The following RNF24 variants were observed in gnomAD, a reference collection of about 807,000 sequenced individuals.
RNF24 encodes the protein ring finger protein 24.
Under a neutral mutation model 20.0 loss-of-function variants are expected in RNF24, and 14 were observed. The observed-to-expected ratio is 0.70, with a 90% CI of 0.46 to 1.10. The LOEUF (loss-of-function observed/expected upper bound fraction) is 1.10. Ranked by LOEUF, RNF24 falls within the 50% of genes least tolerant of loss-of-function variation. RNF24 has a pLI of 0.00. For synonymous variants in RNF24, 45 were observed against 61.1 expected, an observed-to-expected ratio of 0.74 and a Z score of 1.23; for missense variants, 124 against 177.6, an observed-to-expected ratio of 0.70 and a Z score of 1.71.
chr20:3,976,638 A>G (rs1392058757), intron 1 of RNF24, among the ~76,000 whole-genome samples: 3 of 152,242 alleles, frequency 2.0e-5, no homozygotes, highest in Non-Finnish European at 4.4e-5. Flanking sequence ...ATATCATTCA[A>G]TGGGTGAACG....
intron 1 of RNF24, among the ~76,000 whole-genome samples, chr20:3,968,376 A>C (rs1397579747): frequency 6.6e-6 from 1 of 152,162 alleles, no homozygotes; most frequent in Non-Finnish European, 1.5e-5. Flanking sequence ...TGGGAGGCTG[A>C]GGTGGGAGGA....
At chr20:3,958,554 T>C (rs1600655444) in intron 2 of RNF24, among the ~76,000 whole-genome samples, 1 of 152,344 alleles carries the variant, frequency 6.6e-6, no homozygotes. Context: ...AACTTTTCAA[T>C]TGTTATCCTC....
At chr20:3,992,026 C>T (rs954978188) in intron 1 of RNF24, among the ~76,000 whole-genome samples, 3 of 152,056 alleles carry the variant, frequency 2.0e-5, no homozygotes, top group Non-Finnish European at 4.4e-5. Flanking sequence ...ACTCCTTGAG[C>T]GCAGAATTAC....
At position 3,963,987 on chromosome 20, in the gene RNF24, T is replaced by A. The variant is rs1212861587; in HGVS notation, c.31A>T (p.Arg11Trp). 6.2e-7 allele frequency: 1 copy of A among 1,613,382 alleles called. No homozygotes were observed. The highest frequency in any genetic ancestry group is 8.5e-7 in the Non-Finnish European group (1 of 1,179,700). ...TTCTGGAATCCAATATTAGGCATCC[T>A]GAAGTTGTAATGTGGGAAATCCGAG... MSSDFPHYNF[R>W]MPNIGFQNLP... is the part of the protein sequence containing the mutation. Residue 11 changes from arginine (R) to tryptophan (W), a missense_variant, in exon 2 of 6, where the codon AGG becomes TGG. By Grantham distance (101) the Arg-to-Trp change is moderately radical (BLOSUM62 -3). Coordinates refer to ENST00000358395, the MANE Select transcript of RNF24 (RefSeq NM_001134337.3).
chr20:3,978,975 G>A (rs188483836), intron 1 of RNF24, among the ~76,000 whole-genome samples: 1,541 of 151,500 alleles, frequency 0.01, 17 homozygotes, highest in African/African-American at 0.035. Flanking sequence ...GCGCGGTGGC[G>A]TGCGCCTGTA....
At chr20:4,006,479 G>A (rs1377391437) in intron 1 of RNF24, among the ~76,000 whole-genome samples, 1 of 152,034 alleles carries the variant, frequency 6.6e-6, no homozygotes, top group Non-Finnish European at 1.5e-5. Flanking sequence ...AAAAGGAACG[G>A]GCAAACCTCA....
intron 1 of RNF24, among the ~76,000 whole-genome samples, chr20:3,995,401 T>C (rs904051443): frequency 1.3e-5 from 2 of 152,306 alleles, no homozygotes; most frequent in Middle Eastern, 6.8e-3. Flanking sequence ...GGGTACAGAA[T>C]ACTGAGAAAC....
intron 2 of RNF24, among the ~76,000 whole-genome samples, chr20:3,949,716 T>C (rs1326108640): frequency 6.6e-6 from 1 of 152,168 alleles, no homozygotes; most frequent in East Asian, 1.9e-4. Flanking sequence ...ACAATTTTAC[T>C]TCTATGGGTA....
chr20:3,946,802 G>A (rs913006237), intron 3 of RNF24, among the ~76,000 whole-genome samples: 4 of 152,016 alleles, frequency 2.6e-5, no homozygotes, highest in African/African-American at 9.7e-5. Context: ...AGACCTGTAA[G>A]AGTGTGGGGT....
intron 1 of RNF24, among the ~76,000 whole-genome samples, chr20:3,967,545 A>G (rs1004675090): frequency 2.6e-5 from 4 of 152,342 alleles, no homozygotes; most frequent in Admixed American, 2.6e-4. Flanking sequence ...GGATGCCTAC[A>G]TGACCTGAGT....
intron 1 of RNF24, among the ~76,000 whole-genome samples, chr20:3,975,587 A>G (rs1292169287): frequency 2.6e-5 from 4 of 151,924 alleles, no homozygotes; most frequent in Non-Finnish European, 5.9e-5. Flanking sequence ...TCTCAAAAAG[A>G]TATGGTGAAG....
At chr20:3,945,542 C>G (rs551873940) in intron 3 of RNF24, among the ~76,000 whole-genome samples, 2 of 152,204 alleles carry the variant, frequency 1.3e-5, no homozygotes, top group African/African-American at 4.8e-5. Context: ...TAGTGAAACC[C>G]TGTCTCTACT....
chr20:3,955,196 T>C (rs759142337), intron 2 of RNF24, among the ~76,000 whole-genome samples: 4 of 152,222 alleles, frequency 2.6e-5, no homozygotes, highest in Admixed American at 6.5e-5. Flanking sequence ...CATTTTTAAA[T>C]TGGGTTGTCT....
intron 4 of RNF24, among the ~76,000 whole-genome samples, chr20:3,944,209 CAAA>C (rs58334745): frequency 1.8e-5 from 2 of 109,874 alleles, no homozygotes; most frequent in East Asian, 2.8e-4. Flanking sequence ...GACCCCGTCT[CAAA>C]AAAAAAAAAA....
At chr20:3,984,244 AAAAAG>A (rs973848678) in intron 1 of RNF24, among the ~76,000 whole-genome samples, 11 of 151,882 alleles carry the variant, frequency 7.2e-5, no homozygotes, top group South Asian at 6.2e-4. Context: ...CTTAAAAAAA[AAAAAG>A]AAAAGAAAAG....
chr20:4,014,883 G>A (rs911037854), intron 1 of RNF24, among the ~76,000 whole-genome samples: 2 of 152,142 alleles, frequency 1.3e-5, no homozygotes, highest in South Asian at 4.1e-4. Flanking sequence ...GTAAGCCGAG[G>A]GAAGAGGTCT....
chr20:4,001,417 T>C (rs1981378526), intron 1 of RNF24, among the ~76,000 whole-genome samples: 1 of 152,036 alleles, frequency 6.6e-6, no homozygotes, highest in African/African-American at 2.4e-5. Flanking sequence ...AACAATAAAA[T>C]GTAGTGGGGT....
chr20:3,957,831 T>C (rs1314205012), intron 2 of RNF24, among the ~76,000 whole-genome samples: 1 of 152,198 alleles, frequency 6.6e-6, no homozygotes, highest in East Asian at 1.9e-4. Flanking sequence ...AAGGCATGAT[T>C]AACAATGCTG....
At chr20:3,975,162 T>C (rs942258250) in intron 1 of RNF24, among the ~76,000 whole-genome samples, 7 of 152,302 alleles carry the variant, frequency 4.6e-5, no homozygotes, top group African/African-American at 1.7e-4. Flanking sequence ...GGAGAGAGTA[T>C]ATGGTCTTTT....
Sources: allele counts gnomAD v4.1 joint callset (sites outside exome capture counted in the v4.1 genomes callset), GRCh38; gene constraint gnomAD v4.1.1; transcripts MANE v1.5; gene names NCBI Gene and HGNC (gene_info 2026-07-23, HGNC 2026-07-21).